ISM1: variants seen among roughly 807,000 people sequenced by gnomAD.
The protein encoded by ISM1 is isthmin 1.
In ISM1, 25 loss-of-function variants were observed where a neutral mutation model predicts 46.3. The ratio of observed to expected loss-of-function variants is 0.54; its 90% CI spans 0.39 to 0.75. The LOEUF is 0.75. Ranked by LOEUF, ISM1 falls within the 30% of genes least tolerant of loss-of-function variation. The pLI is 0.00. For missense variants in ISM1, 536 were observed against 625.4 expected (o/e 0.86, Z 1.52); for synonymous variants, 255 against 256.7 (o/e 0.99, Z 0.06).
At chr20:13,282,057 C>T (rs535143570) in intron 3 of ISM1, among the ~76,000 whole-genome samples, 1 of 152,188 alleles carries the variant, frequency 6.6e-6, no homozygotes. Context: ...TCCGTTTGAA[C>T]AAGCCCTCCA....
intron 1 of ISM1, among the ~76,000 whole-genome samples, chr20:13,255,038 G>A (rs1466675259): frequency 2.0e-5 from 3 of 152,154 alleles, no homozygotes; most frequent in Non-Finnish European, 4.4e-5. Flanking sequence ...ATCCTGGTAG[G>A]GGCCACAACA....
intron 4 of ISM1, among the ~76,000 whole-genome samples, chr20:13,290,666 A>G (rs1302762044): frequency 6.6e-6 from 1 of 152,220 alleles, no homozygotes; most frequent in East Asian, 1.9e-4. Flanking sequence ...TCAAAACAAA[A>G]AAAGAAAGAA....
intron 1 of ISM1, among the ~76,000 whole-genome samples, chr20:13,245,087 C>G (rs551478736): frequency 4.6e-5 from 7 of 152,276 alleles, no homozygotes; most frequent in South Asian, 2.1e-4. Context: ...TCCCTGCCAC[C>G]CCATGTTGGT....
At chr20:13,288,811 G>GTC in intron 4 of ISM1, 128 bp downstream of exon 4, 1 of 930,788 alleles carries the variant, frequency 1.1e-6, no homozygotes, top group Non-Finnish European at 1.6e-6. Context: ...TTGAGACGGA[G>GTC]TCTCTCCCTG....
chr20:13,285,154 G>A (rs560834407), intron 3 of ISM1, among the ~76,000 whole-genome samples: 1 of 152,278 alleles, frequency 6.6e-6, no homozygotes, highest in East Asian at 1.9e-4. Context: ...GGCCAGGCAT[G>A]TTGGCACATG....
chr20:13,277,535 C>T (rs1189723508), intron 2 of ISM1, among the ~76,000 whole-genome samples: 1 of 152,136 alleles, frequency 6.6e-6, no homozygotes, highest in African/African-American at 2.4e-5. Context: ...TCTTTCTGAG[C>T]TTCTGTGTGG....
At chr20:13,296,475 C>T (rs746135155) in intron 5 of ISM1, among the ~76,000 whole-genome samples, 2 of 152,144 alleles carry the variant, frequency 1.3e-5, no homozygotes, top group Non-Finnish European at 2.9e-5. Context: ...ATGGGATGAA[C>T]GCTGTGACCA....
chr20:13,262,834 G>C (rs1054428602), intron 1 of ISM1, among the ~76,000 whole-genome samples: 1 of 152,188 alleles, frequency 6.6e-6, no homozygotes, highest in Non-Finnish European at 1.5e-5. Context: ...CAAATGCAAA[G>C]AGTTGCCCAT....
chr20:13,267,160 G>T (rs1230108678), intron 1 of ISM1, among the ~76,000 whole-genome samples: 1 of 152,130 alleles, frequency 6.6e-6, no homozygotes, highest in African/African-American at 2.4e-5. Flanking sequence ...AACAGCTTGG[G>T]GGCATGCCAT....
intron 1 of ISM1, among the ~76,000 whole-genome samples, chr20:13,260,302 G>T (rs1009112084): frequency 6.6e-6 from 1 of 152,192 alleles, no homozygotes; most frequent in Non-Finnish European, 1.5e-5. Flanking sequence ...GAGCTGTACA[G>T]GTGCATCATG....
chr20:13,243,362 A>C (rs530633790), intron 1 of ISM1, among the ~76,000 whole-genome samples: 2 of 152,186 alleles, frequency 1.3e-5, no homozygotes, highest in East Asian at 3.9e-4. Flanking sequence ...GCTCACATAG[A>C]TCATCCTTTG....
the ISM1 span, among the ~76,000 whole-genome samples, chr20:13,316,921 C>T: frequency 6.6e-6 from 1 of 151,586 alleles, no homozygotes; most frequent in African/African-American, 2.4e-5. Context: ...CATCATACTA[C>T]AAGTCCTATC....
At chr20:13,321,588 A>T in the ISM1 span, among the ~76,000 whole-genome samples, 17 of 152,188 alleles carry the variant, frequency 1.1e-4, no homozygotes, top group African/African-American at 4.1e-4. Flanking sequence ...GCCTGAGCAC[A>T]GGGACGTGGT....
intron 2 of ISM1, among the ~76,000 whole-genome samples, chr20:13,276,600 A>T (rs1192197657): frequency 6.6e-6 from 1 of 152,240 alleles, no homozygotes; most frequent in Non-Finnish European, 1.5e-5. Context: ...AGAAAAAAAT[A>T]TACTAAGACA....
intron 1 of ISM1, among the ~76,000 whole-genome samples, chr20:13,242,691 GCTGTTGT>G (rs763525407): frequency 6.6e-6 from 1 of 152,154 alleles, no homozygotes; most frequent in Non-Finnish European, 1.5e-5. Flanking sequence ...TGGCTTCTAG[GCTGTTGT>G]TTCTATGCTT....
At chr20:13,320,076 G>A in the ISM1 span, among the ~76,000 whole-genome samples, 6 of 152,212 alleles carry the variant, frequency 3.9e-5, no homozygotes, top group Non-Finnish European at 8.8e-5. Flanking sequence ...TACACCAGGT[G>A]AAGTTGTAGA....
At chr20:13,272,954 G>A (rs980908618) in intron 2 of ISM1, among the ~76,000 whole-genome samples, 1 of 152,232 alleles carries the variant, frequency 6.6e-6, no homozygotes, top group African/African-American at 2.4e-5. Flanking sequence ...AGGTGGGAAT[G>A]TCACTTGGGG....
At chr20:13,304,150 C>T (rs984380021), downstream of ISM1, among the ~76,000 whole-genome samples, 10 of 152,216 alleles carry the variant, frequency 6.6e-5, no homozygotes, top group African/African-American at 2.4e-4. Context: ...CAGTGAAGTA[C>T]TGTCCAATGC....
the ISM1 span, among the ~76,000 whole-genome samples, chr20:13,318,104 C>T: frequency 0.13 from 18,425 of 138,868 alleles, 1,253 homozygotes; most frequent in Admixed American, 0.2. Flanking sequence ...ACAAACAACC[C>T]GATTCTTTAA....
Sources: allele counts gnomAD v4.1 joint callset (sites outside exome capture counted in the v4.1 genomes callset), GRCh38; gene constraint gnomAD v4.1.1; transcripts MANE v1.5; gene names NCBI Gene and HGNC (gene_info 2026-07-23, HGNC 2026-07-21).